The following CENPK variants were observed in gnomAD, a reference collection of about 807,000 sequenced individuals.
CENPK encodes centromere protein K, also known as SoxLZ/Sox6-binding protein Solt.
In CENPK, 46 loss-of-function variants were observed where a neutral mutation model predicts 40.9. That is an observed-to-expected ratio of 1.13 (90% CI 0.89 to 1.44). The LOEUF (loss-of-function observed/expected upper bound fraction) is 1.44. CENPK is among the 40% of genes most tolerant of loss of function. The pLI is 0.00. For synonymous variants in CENPK, 107 were observed against 104.4 expected (o/e 1.02, Z -0.15); for missense variants, 288 against 303.5 (o/e 0.95, Z 0.38).
At chr5:65,496,337 C>T in the CENPK span, among the ~76,000 whole-genome samples, 6 of 152,074 alleles carry the variant, frequency 3.9e-5, no homozygotes, top group East Asian at 3.8e-4. Flanking sequence ...ACATTGATCA[C>T]GGTGCTATTT....
chr5:65,533,785 G>T (rs1190326772), intron 6 of CENPK, among the ~76,000 whole-genome samples: 2 of 152,112 alleles, frequency 1.3e-5, no homozygotes, highest in African/African-American at 4.8e-5. Context: ...CCTCAAGCCT[G>T]AAATCCCATC....
chr5:65,505,665 A>G, the CENPK span, among the ~76,000 whole-genome samples: 1 of 152,100 alleles, frequency 6.6e-6, no homozygotes, highest in African/African-American at 2.4e-5. Context: ...GCAAAAACCT[A>G]TGTCGTGTTG....
At chr5:65,518,683 A>T (rs762845535) in intron 10 of CENPK, 50 bp from the exon 11 acceptor site, 2 of 1,264,872 alleles carry the variant, frequency 1.6e-6, no homozygotes, top group Admixed American at 4.5e-5. Flanking sequence ...AAAAGTCAAT[A>T]TAGCTATAAG....
chr5:65,505,136 T>C, the CENPK span, among the ~76,000 whole-genome samples: 71 of 152,232 alleles, frequency 4.7e-4, no homozygotes, highest in African/African-American at 1.6e-3. Context: ...AGGGTCTCAC[T>C]TTGCTGCCCA....
At chr5:65,498,271 C>A in the CENPK span, among the ~76,000 whole-genome samples, 1 of 151,646 alleles carries the variant, frequency 6.6e-6, no homozygotes, top group African/African-American at 2.4e-5. Flanking sequence ...AGATATATTC[C>A]CAACCTTCAA....
the CENPK span, among the ~76,000 whole-genome samples, chr5:65,501,630 C>T: frequency 6.6e-6 from 1 of 152,136 alleles, no homozygotes; most frequent in African/African-American, 2.4e-5. Flanking sequence ...CCACCTTTGA[C>T]ACAATTCTGG....
the CENPK span, among the ~76,000 whole-genome samples, chr5:65,506,682 G>T: frequency 6.6e-4 from 101 of 152,198 alleles, 1 homozygote; most frequent in Non-Finnish European, 2.9e-5. Context: ...CTGCTCAGGA[G>T]GCTAAGGCAG....
the CENPK span, among the ~76,000 whole-genome samples, chr5:65,511,908 A>G: frequency 6.6e-6 from 1 of 152,202 alleles, no homozygotes; most frequent in African/African-American, 2.4e-5. Context: ...TTGGATTTTC[A>G]AGTACATTGA....
intron 9 of CENPK, among the ~76,000 whole-genome samples, chr5:65,525,035 C>A (rs2150357116): frequency 6.6e-6 from 1 of 152,316 alleles, no homozygotes; most frequent in East Asian, 1.9e-4. Flanking sequence ...AACTGTTCAA[C>A]TTCACTCATT....
intron 6 of CENPK, 33 bp downstream of exon 6, chr5:65,542,769 T>C (rs1352042497): frequency 9.8e-6 from 15 of 1,534,104 alleles, no homozygotes; most frequent in Non-Finnish European, 8.9e-7. Flanking sequence ...TAGAAATTAT[T>C]TGGGGTCACT....
At chr5:65,511,471 G>A in the CENPK span, among the ~76,000 whole-genome samples, 1 of 152,132 alleles carries the variant, frequency 6.6e-6, no homozygotes, top group Non-Finnish European at 1.5e-5. Flanking sequence ...TCTTGCTAAG[G>A]GCTAATGCAG....
chr5:65,546,437 G>A (rs904654134), intron 5 of CENPK, among the ~76,000 whole-genome samples: 1 of 152,176 alleles, frequency 6.6e-6, no homozygotes, highest in Non-Finnish European at 1.5e-5. Flanking sequence ...ATGAATCTGA[G>A]GTGTCTATGA....
chr5:65,510,752 G>C, the CENPK span, among the ~76,000 whole-genome samples: 1 of 145,564 alleles, frequency 6.9e-6, no homozygotes, highest in African/African-American at 2.6e-5. Flanking sequence ...CTCCAGCTTG[G>C]ACAACAAGAG....
chr5:65,503,892 G>T, the CENPK span, among the ~76,000 whole-genome samples: 2 of 151,548 alleles, frequency 1.3e-5, no homozygotes, highest in African/African-American at 4.8e-5. Flanking sequence ...TCCTGACCTC[G>T]TGATCCGCCC....
At chr5:65,553,690 A>G (rs1038555752) in intron 3 of CENPK, among the ~76,000 whole-genome samples, 12 of 152,196 alleles carry the variant, frequency 7.9e-5, no homozygotes, top group Non-Finnish European at 1.8e-4. Context: ...CCCATTGCAC[A>G]TAAATTAACT....
intron 5 of CENPK, among the ~76,000 whole-genome samples, chr5:65,545,014 A>T (rs200517771): frequency 6.6e-6 from 1 of 152,156 alleles, no homozygotes; most frequent in Admixed American, 6.5e-5. Flanking sequence ...TAAAATTGTA[A>T]ATTTTATATT....
chr5:65,507,381 A>T, the CENPK span, among the ~76,000 whole-genome samples: 1 of 152,238 alleles, frequency 6.6e-6, no homozygotes, highest in African/African-American at 2.4e-5. Flanking sequence ...GCACAGCTAT[A>T]TAGAGAAGAG....
chr5:65,519,029 C>T (rs975057783), intron 10 of CENPK, among the ~76,000 whole-genome samples: 13 of 152,132 alleles, frequency 8.5e-5, no homozygotes, highest in Admixed American at 5.2e-4. Context: ...CTGGTCCTGT[C>T]CCCCACAAAA....
chr5:65,561,124 T>C (rs1751877012), intron 2 of CENPK: 1 of 157,436 alleles, frequency 6.4e-6, no homozygotes, highest in Non-Finnish European at 1.4e-5. Context: ...GTAGCTAGCA[T>C]ATAAAGAGCT....
Sources: allele counts gnomAD v4.1 joint callset (sites outside exome capture counted in the v4.1 genomes callset), GRCh38; gene constraint gnomAD v4.1.1; transcripts MANE v1.5; gene names NCBI Gene and HGNC (gene_info 2026-07-23, HGNC 2026-07-21).